Variants in PHF8 observed in about 807,000 individuals in gnomAD.
PHF8 encodes the protein PHD finger protein 8, also known as histone lysine demethylase PHF8.
PHF8 carries 9 observed loss-of-function variants against 74.4 expected under a neutral mutation model. That is an observed-to-expected ratio of 0.12 (90% CI 0.07 to 0.21). The LOEUF (loss-of-function observed/expected upper bound fraction) is 0.21. Among genes scored for constraint, PHF8 ranks in the 10% least tolerant of loss-of-function variants. PHF8 has a pLI of 1.00. For missense variants in PHF8, 478 were observed against 816.6 expected (o/e 0.59, Z 5.05); for synonymous variants, 311 against 316.6 (o/e 0.98, Z 0.19).
intron 19 of PHF8, among the ~76,000 whole-genome samples, chrX:53,952,613 G>A (rs1424086046): frequency 1.8e-5 from 2 of 111,636 alleles, no homozygotes; most frequent in East Asian, 5.6e-4. Context: ...GCTGGGCGCG[G>A]TGGCTCACGC....
At position 53,987,860 on chromosome X, in the gene PHF8, C is replaced by T. The variant is rs1557100132; in HGVS notation, c.1815G>A (p.Gln605=). The change falls in exon 15 of 22, where the codon CAG becomes CAA. Residue 605 remains glutamine, a synonymous_variant. Transcript: ENST00000338154. ...CCAAGTCAAATTCGTCTTCCATCAC[C>T]TGTTCTGCCATCAGCCTAGCCTTGT... The part of the protein sequence containing the change: ...KVDKARLMAE[Q]VMEDEFDLDS... 4 of 1,207,253 alleles carry T rather than the reference C, an allele frequency of 3.3e-6. No individual in the cohort carries two copies. The highest frequency in any genetic ancestry group is 4.5e-6 in the Non-Finnish European group (4 of 891,343).
Position 53,939,093 on chromosome X carries a change from C to T in PHF8, c.*65G>A. On this transcript the variant is annotated 3_prime_UTR_variant, in exon 22 of 22. Transcript: ENST00000338154. ...CCAGGGCAGATAGGATCCAGGAGTG[C>T]CCCAAGAGTTGACAATGGAGAAGGC... 2 of 1,195,679 alleles carry T rather than the reference C, an allele frequency of 1.7e-6. No individual in the cohort carries two copies. The highest frequency in any genetic ancestry group is 4.4e-5 in the Admixed American group (2 of 45,121).
intron 8 of PHF8, among the ~76,000 whole-genome samples, chrX:54,010,862 T>C (rs1208590076): frequency 9.0e-6 from 1 of 111,154 alleles, no homozygotes; most frequent in Non-Finnish European, 1.9e-5. Flanking sequence ...CTTAGAGTCA[T>C]GTTCTCTGTT....
chrX:54,001,197 G>A (rs183359952), intron 10 of PHF8, among the ~76,000 whole-genome samples: 82 of 111,370 alleles, frequency 7.4e-4, no homozygotes, highest in Middle Eastern at 4.6e-3. Flanking sequence ...ACAGTGGCGC[G>A]TGCCTATAGT....
chrX:54,029,656 G>A (rs1243651391), intron 2 of PHF8, among the ~76,000 whole-genome samples: 4 of 111,915 alleles, frequency 3.6e-5, no homozygotes, highest in East Asian at 5.6e-4. Context: ...GGCCCTGCCC[G>A]GTGACTTAGT....
intron 18 of PHF8, among the ~76,000 whole-genome samples, chrX:53,977,822 A>G (rs2065406392): frequency 9.6e-6 from 1 of 104,621 alleles, no homozygotes; most frequent in Admixed American, 1.0e-4. Context: ...AATTTTTTGT[A>G]TTTTTAGTAG....
At chrX:54,006,939 CAAAAAAA>C (rs1219211822) in intron 8 of PHF8, among the ~76,000 whole-genome samples, 11 of 27,766 alleles carry the variant, frequency 4.0e-4, no homozygotes, top group African/African-American at 1.5e-3. Flanking sequence ...AACTTCATCT[CAAAAAAA>C]AAAAAAAAAA....
At chrX:53,939,434 C>T (rs1221534334) in intron 21 of PHF8, among the ~76,000 whole-genome samples, 188 bp from the exon 22 acceptor site, 2 of 111,530 alleles carry the variant, frequency 1.8e-5, no homozygotes, top group Non-Finnish European at 3.8e-5. Context: ...TTGACTCTTC[C>T]TCCTATGACC....
intron 18 of PHF8, among the ~76,000 whole-genome samples, chrX:53,965,310 T>G (rs1385122061): frequency 8.9e-6 from 1 of 112,110 alleles, no homozygotes; most frequent in Non-Finnish European, 1.9e-5. Flanking sequence ...TCAGAACAAC[T>G]TTTATGGAAC....
intron 12 of PHF8, among the ~76,000 whole-genome samples, chrX:53,994,351 G>C (rs1454379246): frequency 8.9e-6 from 1 of 112,449 alleles, no homozygotes; most frequent in Non-Finnish European, 1.9e-5. Flanking sequence ...AGACTGGAAA[G>C]GTGATTTTTG....
At chrX:54,005,132 G>A in intron 8 of PHF8, among the ~76,000 whole-genome samples, 2 of 110,831 alleles carry the variant, frequency 1.8e-5, no homozygotes, top group Middle Eastern at 4.7e-3. Flanking sequence ...TGTAATCAGA[G>A]ATCCAGCAGA....
chrX:53,981,149 G>C (rs917742698), intron 18 of PHF8, among the ~76,000 whole-genome samples: 3 of 112,785 alleles, frequency 2.7e-5, no homozygotes, highest in African/African-American at 9.6e-5. Flanking sequence ...GGAAGGCAGA[G>C]ATTGCAGTGA....
At position 53,972,775 on chromosome X, in the gene PHF8, T is replaced by C. The variant is rs191085269; in HGVS notation, c.2444-9836A>G. On this transcript the variant is annotated intron_variant, in intron 18 of 21. Coordinates refer to ENST00000338154, the MANE Select transcript of PHF8 (RefSeq NM_015107.3). ...CCTCTCTCGCCACTCCTATTCAACA[T>C]AGCATTGGAAGTTCTGGCCATGGCA... Among the ~76,000 whole-genome samples, 21 of 111,363 alleles carry C rather than the reference T, an allele frequency of 1.9e-4. No individual in the cohort carries two copies. The East Asian group carries it at 5.6e-3, about 30-fold the overall frequency.
At chrX:53,967,717 T>G (rs1372420287) in intron 18 of PHF8, among the ~76,000 whole-genome samples, 4 of 114,205 alleles carry the variant, frequency 3.5e-5, no homozygotes, top group Non-Finnish European at 5.6e-5. Context: ...ATGGTTGCCA[T>G]GTCTGTGTGG....
At chrX:53,976,897 T>C in intron 18 of PHF8, among the ~76,000 whole-genome samples, 1 of 111,720 alleles carries the variant, frequency 9.0e-6, no homozygotes, top group South Asian at 3.7e-4. Flanking sequence ...CCTTGAAAGA[T>C]ACAAACTATA....
chrX:53,971,221 T>C (rs782493823), intron 18 of PHF8, among the ~76,000 whole-genome samples: 44 of 111,695 alleles, frequency 3.9e-4, no homozygotes, highest in Middle Eastern at 4.2e-3. Context: ...CTGAACAACC[T>C]GCTCCTGAAT....
chrX:54,003,784 A>ACC (rs1557104727), intron 8 of PHF8, among the ~76,000 whole-genome samples: 1 of 111,284 alleles, frequency 9.0e-6, no homozygotes. Flanking sequence ...ACTTTCATCC[A>ACC]CCCCAGCCCT....
intron 7 of PHF8, among the ~76,000 whole-genome samples, chrX:54,014,074 G>A (rs1557107328): frequency 2.7e-5 from 3 of 109,152 alleles, no homozygotes; most frequent in Admixed American, 9.8e-5. Flanking sequence ...TCCTGCCTCA[G>A]CCTCCCAAGT....
intron 19 of PHF8, among the ~76,000 whole-genome samples, chrX:53,961,611 G>A (rs2065106717): frequency 9.0e-6 from 1 of 111,282 alleles, no homozygotes; most frequent in South Asian, 3.8e-4. Context: ...GAGCCACCAG[G>A]CCCGGCCCCA....
Sources: allele counts gnomAD v4.1 joint callset (sites outside exome capture counted in the v4.1 genomes callset), GRCh38; gene constraint gnomAD v4.1.1; transcripts MANE v1.5; gene names NCBI Gene and HGNC (gene_info 2026-07-23, HGNC 2026-07-21).